MYO1D: variants seen among roughly 807,000 people sequenced by gnomAD.
MYO1D encodes unconventional myosin-Id.
A neutral mutation model predicts 122.0 loss-of-function variants in MYO1D; 83 were observed. The ratio of observed to expected loss-of-function variants is 0.68; its 90% CI spans 0.57 to 0.82. MYO1D has a LOEUF of 0.82. Ranked by LOEUF, MYO1D falls within the 40% of genes least tolerant of loss-of-function variation. The pLI is 0.00. For synonymous variants in MYO1D, 464 were observed against 446.9 expected (o/e 1.04, Z -0.48); for missense variants, 1,157 against 1,269.5 (o/e 0.91, Z 1.35).
Position 32,677,580 on chromosome 17 carries a change from AATATATATAT to A in MYO1D, c.2122-18252_2122-18243del, listed in dbSNP as rs10523328. ...TCATCAGGGGATATATAGATAGATA[AATATATATAT>A]ATATATATATATATATATATATATA... On this transcript the variant is annotated intron_variant, in intron 16 of 21. Transcript: ENST00000318217. 1.0e-2 allele frequency among the ~76,000 whole-genome samples: 1,358 copies of A among 135,836 alleles called. 29 individuals are homozygous for A. The highest frequency in any genetic ancestry group is 0.032 in the African/African-American group (1,161 of 36,170). 89.1% of individuals were successfully genotyped at this position (135,836 alleles called of 152,430 possible). A position where few individuals can be genotyped will look rare whatever the true frequency, so the allele number is the denominator to read the frequency against.
chr17:32,653,675 G>C (rs2088431242), intron 19 of MYO1D, among the ~76,000 whole-genome samples, 168 bp downstream of exon 19: 1 of 149,806 alleles, frequency 6.7e-6, no homozygotes, highest in African/African-American at 2.5e-5. Context: ...CTGTAAAGTT[G>C]TAGTCACCTC....
chr17:32,585,479 G>A (rs1422315715), intron 21 of MYO1D, among the ~76,000 whole-genome samples: 6 of 151,960 alleles, frequency 3.9e-5, no homozygotes, highest in African/African-American at 1.2e-4. Context: ...CCTGTAATCC[G>A]AGCACTTTGA....
chr17:32,690,185 CTTTTT>C (rs1202005031), intron 16 of MYO1D, among the ~76,000 whole-genome samples: 4 of 141,160 alleles, frequency 2.8e-5, no homozygotes, highest in Non-Finnish European at 4.7e-5. Flanking sequence ...GAGTGTTTAT[CTTTTT>C]TTTTTTTTTT....
intron 20 of MYO1D, among the ~76,000 whole-genome samples, chr17:32,621,021 C>A (rs1214023852): frequency 2.0e-5 from 3 of 152,102 alleles, no homozygotes; most frequent in Non-Finnish European, 4.4e-5. Context: ...GGACGGAACC[C>A]AAGTCTAAAA....
chr17:32,604,279 A>G (rs968872361), intron 21 of MYO1D, among the ~76,000 whole-genome samples: 2 of 152,176 alleles, frequency 1.3e-5, no homozygotes, highest in Admixed American at 1.3e-4. Flanking sequence ...CTACACTTGT[A>G]TCATTTCTTA....
At chr17:32,506,081 C>A (rs534237711) in intron 21 of MYO1D, among the ~76,000 whole-genome samples, 1 of 152,300 alleles carries the variant, frequency 6.6e-6, no homozygotes, top group Admixed American at 6.5e-5. Context: ...TAAGACAAGA[C>A]TTTTTCAGAC....
At chr17:32,870,074 C>A (rs1308510407) in intron 1 of MYO1D, among the ~76,000 whole-genome samples, 1 of 152,114 alleles carries the variant, frequency 6.6e-6, no homozygotes, top group Non-Finnish European at 1.5e-5. Context: ...CAAGAAATGA[C>A]CCTGAATAAA....
intron 1 of MYO1D, among the ~76,000 whole-genome samples, chr17:32,825,223 A>T (rs2090710311): frequency 6.6e-6 from 1 of 152,204 alleles, no homozygotes; most frequent in Non-Finnish European, 1.5e-5. Context: ...ATAATACATT[A>T]CTTTATAAAC....
intron 21 of MYO1D, among the ~76,000 whole-genome samples, chr17:32,583,342 G>C (rs2087358570): frequency 6.6e-6 from 1 of 152,130 alleles, no homozygotes; most frequent in African/African-American, 2.4e-5. Context: ...ATATGCCTTA[G>C]TGTAGTTTTC....
At chr17:32,802,805 TCAAC>T (rs2090471604) in intron 1 of MYO1D, among the ~76,000 whole-genome samples, 1 of 152,204 alleles carries the variant, frequency 6.6e-6, no homozygotes, top group South Asian at 2.1e-4. Context: ...ATTTCTGTGA[TCAAC>T]CAACTAATTT....
intron 1 of MYO1D, among the ~76,000 whole-genome samples, chr17:32,847,961 T>C (rs2090952597): frequency 6.6e-6 from 1 of 152,220 alleles, no homozygotes; most frequent in Admixed American, 6.5e-5. Flanking sequence ...AAAAAGGCAC[T>C]AACTGAGAAG....
intron 20 of MYO1D, among the ~76,000 whole-genome samples, chr17:32,606,102 T>TCAA (rs982537627): frequency 2.0e-5 from 3 of 152,112 alleles, no homozygotes; most frequent in Admixed American, 6.5e-5. Context: ...AGACTCCATC[T>TCAA]CAACAACAAC....
chr17:32,770,585 G>A (rs867231054), intron 6 of MYO1D, among the ~76,000 whole-genome samples: 4 of 151,900 alleles, frequency 2.6e-5, no homozygotes, highest in Non-Finnish European at 5.9e-5. Context: ...GCAAAAATAC[G>A]CCTGCATGTA....
chr17:32,748,475 T>G (rs2089863272), intron 12 of MYO1D, among the ~76,000 whole-genome samples: 1 of 152,134 alleles, frequency 6.6e-6, no homozygotes, highest in South Asian at 2.1e-4. Flanking sequence ...CCCCTCTCAG[T>G]GGGTTAATTA....
chr17:32,714,120 T>C (rs531150540), intron 15 of MYO1D, among the ~76,000 whole-genome samples: 1 of 152,116 alleles, frequency 6.6e-6, no homozygotes, highest in South Asian at 2.1e-4. Context: ...GTTTGTTACA[T>C]AGGCAAATGT....
At chr17:32,825,762 G>A (rs1157672333) in intron 1 of MYO1D, among the ~76,000 whole-genome samples, 1 of 152,168 alleles carries the variant, frequency 6.6e-6, no homozygotes, top group Non-Finnish European at 1.5e-5. Context: ...CCATAGCCAG[G>A]TGTGGTAGCT....
At chr17:32,737,838 ACT>A (rs1407100399) in intron 14 of MYO1D, among the ~76,000 whole-genome samples, 1 of 151,950 alleles carries the variant, frequency 6.6e-6, no homozygotes, top group Admixed American at 6.6e-5. Flanking sequence ...TCCTCTTAAA[ACT>A]CTCTGGCCAC....
chr17:32,560,234 G>A (rs894383559), intron 21 of MYO1D, among the ~76,000 whole-genome samples: 5 of 151,946 alleles, frequency 3.3e-5, no homozygotes, highest in East Asian at 3.9e-4. Flanking sequence ...CAGCCTGGGC[G>A]ACAGAATGAG....
At chr17:32,711,645 C>CG (rs779077171) in intron 16 of MYO1D, among the ~76,000 whole-genome samples, 71 of 150,706 alleles carry the variant, frequency 4.7e-4, no homozygotes, top group African/African-American at 8.8e-4. Context: ...GACTCCGTCT[C>CG]GGGGGGGAAA....
Sources: gnomAD v4.1 joint callset for allele counts (sites outside exome capture counted in the v4.1 genomes callset) on GRCh38, gnomAD v4.1.1 for gene constraint, MANE v1.5 for transcripts, NCBI Gene and HGNC (gene_info 2026-07-23, HGNC 2026-07-21) for gene names.